TLE3: variants seen among roughly 807,000 people sequenced by gnomAD.
The protein encoded by TLE3 is TLE family member 3, transcriptional corepressor, also known as transducin-like enhancer protein 3.
In TLE3, 14 loss-of-function variants were observed where a neutral mutation model predicts 93.0. The observed-to-expected ratio is 0.15, with a 90% CI of 0.10 to 0.24. The LOEUF is 0.24. Among genes scored for constraint, TLE3 ranks in the 10% least tolerant of loss-of-function variants. The pLI, the probability that TLE3 is intolerant of heterozygous loss-of-function variation, is 1.00. For synonymous variants in TLE3, 451 were observed against 425.0 expected (o/e 1.06, Z -0.75); for missense variants, 693 against 1,046.6 (o/e 0.66, Z 4.66).
At chr15:70,057,913 G>C in intron 12 of TLE3, 1 of 724,016 alleles carries the variant, frequency 1.4e-6, no homozygotes, top group Non-Finnish European at 2.2e-6. Flanking sequence ...CTGGACTAAT[G>C]ACAGGGGTGG....
intron 6 of TLE3, 123 bp downstream of exon 6, chr15:70,074,410 C>T (rs1420671596): frequency 2.4e-5 from 30 of 1,261,256 alleles, no homozygotes; most frequent in Non-Finnish European, 3.1e-5. Flanking sequence ...TTGTAGAAGC[C>T]GGAGCCCTGG....
At chr15:70,081,968 C>T (rs552458173) in intron 4 of TLE3, among the ~76,000 whole-genome samples, 9 of 152,282 alleles carry the variant, frequency 5.9e-5, no homozygotes, top group Non-Finnish European at 1.3e-4. Context: ...TCAGGTTTTA[C>T]CTACTTCTCT....
At position 70,086,366 on chromosome 15, in the gene TLE3, C is replaced by A. The variant is rs537399340; in HGVS notation, c.234+8166G>T. On this transcript the variant is annotated intron_variant, in intron 4 of 19. Transcript: ENST00000451782. ...TAATCAGTTTCAGATCCAAACTCAG[C>A]AAAGACCTGTCGAGGGCTAGCCCAA... 3.9e-5 allele frequency among the ~76,000 whole-genome samples: 6 copies of A among 152,294 alleles called. No individual in the cohort carries two copies. In the East Asian group the frequency reaches 1.2e-3, roughly 29 times the overall value.
intron 2 of TLE3, 146 bp from the exon 3 acceptor site, chr15:70,095,787 G>C: frequency 1.0e-6 from 1 of 970,930 alleles, no homozygotes; most frequent in South Asian, 1.7e-5. Context: ...GGGGACGCGG[G>C]GGGATTTGGG....
chr15:70,052,207 C>A (rs1057329913), intron 18 of TLE3, among the ~76,000 whole-genome samples, 167 bp downstream of exon 18: 1 of 152,224 alleles, frequency 6.6e-6, no homozygotes, highest in Non-Finnish European at 1.5e-5. Flanking sequence ...GGATGTGGAA[C>A]AAGATCACTT....
At chr15:70,074,029 G>A (rs1313404744) in intron 6 of TLE3, among the ~76,000 whole-genome samples, 1 of 152,264 alleles carries the variant, frequency 6.6e-6, no homozygotes, top group African/African-American at 2.4e-5. Context: ...TGCTCAGCCA[G>A]GCAGCTTCGC....
chr15:70,095,950 G>C, intron 2 of TLE3: 1 of 680,820 alleles, frequency 1.5e-6, no homozygotes, highest in Non-Finnish European at 2.4e-6. Flanking sequence ...CCCTCATTCG[G>C]GGACCCCACG....
intron 3 of TLE3, 60 bp from the exon 4 acceptor site, chr15:70,094,636 T>A (rs2058462859): frequency 3.0e-6 from 4 of 1,323,828 alleles, no homozygotes; most frequent in Non-Finnish European, 4.1e-6. Context: ...TTTTTCAAAA[T>A]CAGTTTTTTC....
At position 70,056,386 on chromosome 15, in the gene TLE3, G is replaced by C. The variant is rs368785085; in HGVS notation, c.1252-12C>G. 3.1e-6 allele frequency: 5 copies of C among 1,610,256 alleles called. No homozygotes were observed. The African/African-American group carries it at 6.7e-5, about 22-fold the overall frequency. ...GGGTCAAAACCAACCTGTAAAGCAA[G>C]GCAAGACAGCCCTCCATCAGCCGTG... On this transcript the variant is annotated splice_polypyrimidine_tract_variant and intron_variant, in intron 13 of 19. Coordinates refer to ENST00000451782, the MANE Select transcript of TLE3 (RefSeq NM_001105192.3).
intron 4 of TLE3, among the ~76,000 whole-genome samples, chr15:70,085,634 A>G (rs2058005560): frequency 6.6e-6 from 1 of 152,224 alleles, no homozygotes; most frequent in Non-Finnish European, 1.5e-5. Context: ...GTTCCTGCAG[A>G]CCAGGCCTGT....
At chr15:70,080,760 C>T (rs986885313) in intron 4 of TLE3, among the ~76,000 whole-genome samples, 2 of 152,138 alleles carry the variant, frequency 1.3e-5, no homozygotes, top group Admixed American at 6.5e-5. Flanking sequence ...CTAGTATTCA[C>T]GTTTGCTGCT....
chr15:70,079,476 C>A (rs775405528), intron 4 of TLE3: 5 of 477,916 alleles, frequency 1.0e-5, no homozygotes, highest in African/African-American at 4.3e-5. Flanking sequence ...GGACATGAAG[C>A]AAGCACATCC....
chr15:70,058,918 C>A lies in TLE3; in HGVS notation c.766-103G>T. Reference sequence around the variant, plus strand: ...AGAGAGGGCATGGGCGATGGGAAGACGAGCTTGGCTGAAAGACTGGGGGCC... The same window carrying A: ...AGAGAGGGCATGGGCGATGGGAAGAAGAGCTTGGCTGAAAGACTGGGGGCC... On this transcript the variant is annotated intron_variant, in intron 10 of 19. Transcript: ENST00000451782. This position sits in a 1 kb window ranked among gnomAD's most constrained non-coding sequence, Gnocchi z 4.1. 1 of 1,404,782 alleles carries A rather than the reference C, an allele frequency of 7.1e-7. No individual in the cohort carries two copies. The highest frequency in any genetic ancestry group is 9.3e-7 in the Non-Finnish European group (1 of 1,074,582). The allele number at this position is 1,404,782 out of a possible 1,614,324, so 87.0% of individuals were successfully genotyped here.
At chr15:70,094,734 T>G in intron 3 of TLE3, 158 bp from the exon 4 acceptor site, 2 of 615,356 alleles carry the variant, frequency 3.3e-6, no homozygotes, top group Non-Finnish European at 2.9e-6. Flanking sequence ...ACAGAGCGGT[T>G]TAAGAGCTGA....
chr15:70,059,305 G>A (rs979703964), intron 10 of TLE3, 105 bp downstream of exon 10: 2 of 1,361,276 alleles, frequency 1.5e-6, no homozygotes, highest in Non-Finnish European at 2.0e-6. Context: ...TCCCTGCTCA[G>A]GCTGCCAGTA....
chr15:70,053,144 C>T, intron 17 of TLE3, 83 bp downstream of exon 17: 2 of 1,505,472 alleles, frequency 1.3e-6, no homozygotes, highest in Admixed American at 4.0e-5. Flanking sequence ...GTGAGGGTCC[C>T]TTTGTCCCTG....
intron 4 of TLE3, chr15:70,079,423 T>C (rs767461094): frequency 1.4e-5 from 6 of 431,380 alleles, no homozygotes; most frequent in Admixed American, 9.9e-5. Context: ...TGGTTCACCG[T>C]AAAAGTTCTC....
chr15:70,056,297 C>T lies in TLE3; in HGVS notation c.1328+1G>A. ...ATGCAGTAAGTATAGCCAAAGCTTACGGTTTTCCTCCAGGAATGGAGGCCA... is the reference window on the plus strand; with the variant it reads ...ATGCAGTAAGTATAGCCAAAGCTTATGGTTTTCCTCCAGGAATGGAGGCCA... On this transcript the variant is annotated splice_donor_variant, in intron 14 of 19. Transcript: ENST00000451782. LOFTEE classifies it high-confidence loss of function. 1 of 1,613,542 alleles carries T rather than the reference C, an allele frequency of 6.2e-7. No homozygotes were observed. Among genetic ancestry groups the T allele is most frequent in the Non-Finnish European group, 8.5e-7 (1 of 1,179,836 alleles).
chr15:70,062,234 G>A (rs1168054553), intron 8 of TLE3, among the ~76,000 whole-genome samples: 2 of 152,164 alleles, frequency 1.3e-5, no homozygotes, highest in Admixed American at 6.5e-5. Context: ...GGCGATGCGC[G>A]CACAGCCACA....
Sources: allele counts gnomAD v4.1 joint callset (sites outside exome capture counted in the v4.1 genomes callset), GRCh38; gene constraint gnomAD v4.1.1; non-coding constraint Gnocchi (gnomAD v3.1); transcripts MANE v1.5; gene names NCBI Gene and HGNC (gene_info 2026-07-23, HGNC 2026-07-21).